BTBD1: variants seen among roughly 807,000 people sequenced by gnomAD.
The protein encoded by BTBD1 is BTB domain containing 1.
In BTBD1, 34 loss-of-function variants were observed where a neutral mutation model predicts 48.0. That is an observed-to-expected ratio of 0.71 (90% CI 0.54 to 0.94). The LOEUF (loss-of-function observed/expected upper bound fraction) is 0.94. Ranked by LOEUF, BTBD1 falls within the 40% of genes least tolerant of loss-of-function variation. The probability of loss-of-function intolerance (pLI) is 0.00; values close to 1 mark genes in which losing one functional copy is unlikely to be tolerated. For synonymous variants in BTBD1, 261 were observed against 242.1 expected (o/e 1.08, Z -0.72); for missense variants, 543 against 625.6 (o/e 0.87, Z 1.41).
intron 2 of BTBD1, among the ~76,000 whole-genome samples, chr15:83,052,670 G>A (rs1034549848): frequency 4.1e-4 from 58 of 142,448 alleles, no homozygotes; most frequent in Admixed American, 2.0e-3. Flanking sequence ...TCGCTCTGTC[G>A]CCCAGGCTGG....
chr15:83,056,199 A>G (rs2033078318), intron 2 of BTBD1, among the ~76,000 whole-genome samples, 190 bp downstream of exon 2: 1 of 152,198 alleles, frequency 6.6e-6, no homozygotes, highest in Non-Finnish European at 1.5e-5. Context: ...ACCACCATCC[A>G]TGGCCTCTAA....
At chr15:83,042,368 ATATATATATG>A (rs1164368797) in intron 3 of BTBD1, among the ~76,000 whole-genome samples, 1 of 122,514 alleles carries the variant, frequency 8.2e-6, no homozygotes, top group Non-Finnish European at 1.7e-5. Context: ...ATATATATAT[ATATATATATG>A]TATGTATATA....
chr15:83,017,547 C>G lies in BTBD1; in HGVS notation c.*520G>C, dbSNP rs1201219998. On this transcript the variant is annotated 3_prime_UTR_variant, in exon 8 of 8. Coordinates refer to ENST00000261721, the MANE Select transcript of BTBD1 (RefSeq NM_025238.4). The stretch of plus-strand genomic sequence containing the variant: ...TTAGCATTATTACAAATGCTAACAA[C>G]AAGATACTTCAAACCACCAAATATA... The G allele has an allele frequency of 3.9e-5, 6 of 152,542 alleles. No homozygotes were observed. Among genetic ancestry groups the G allele is most frequent in the Admixed American group, 2.0e-4 (3 of 15,266 alleles). The allele number at this position is 152,542 out of a possible 1,614,324, so 9.4% of individuals were successfully genotyped here.
chr15:83,035,154 C>G (rs773279490), intron 4 of BTBD1, among the ~76,000 whole-genome samples: 1 of 151,808 alleles, frequency 6.6e-6, no homozygotes, highest in Non-Finnish European at 1.5e-5. Context: ...ATTAGCCGAG[C>G]GTGGCACCGC....
intron 4 of BTBD1, 35 bp downstream of exon 4, chr15:83,041,693 G>C: frequency 6.3e-7 from 1 of 1,597,772 alleles, no homozygotes; most frequent in East Asian, 2.2e-5. Context: ...TATTAAAACA[G>C]TTTCAAATAG....
intron 4 of BTBD1, among the ~76,000 whole-genome samples, chr15:83,030,983 T>C (rs2032504418): frequency 6.6e-6 from 1 of 152,298 alleles, no homozygotes; most frequent in East Asian, 1.9e-4. Context: ...AAGGAAGCTA[T>C]ACATACGTGT....
At chr15:83,061,612 G>T (rs2033177430) in intron 1 of BTBD1, 1 of 152,220 alleles carries the variant, frequency 6.6e-6, no homozygotes, top group Non-Finnish European at 1.5e-5. Context: ...CTGCTTTTGT[G>T]TTCCTCGGAG....
chr15:83,035,740 G>T (rs1229031758), intron 4 of BTBD1, among the ~76,000 whole-genome samples: 1 of 151,956 alleles, frequency 6.6e-6, no homozygotes, highest in African/African-American at 2.4e-5. Context: ...AGAAAGTAAT[G>T]AAATGGAAAA....
chr15:83,021,793 A>G (rs2032304897), intron 5 of BTBD1, among the ~76,000 whole-genome samples: 1 of 147,452 alleles, frequency 6.8e-6, no homozygotes, highest in South Asian at 2.1e-4. Flanking sequence ...AAAGCCTGTA[A>G]AATCTGACAT....
chr15:83,018,559 T>C (rs2032217239), intron 7 of BTBD1, 148 bp downstream of exon 7: 6 of 860,092 alleles, frequency 7.0e-6, no homozygotes, highest in Admixed American at 3.2e-5. Flanking sequence ...AAGTACTTCT[T>C]TTCGGAAGGC....
chr15:83,050,511 C>G (rs1043506563), intron 2 of BTBD1, among the ~76,000 whole-genome samples: 1 of 149,354 alleles, frequency 6.7e-6, no homozygotes, highest in Non-Finnish European at 1.5e-5. Context: ...CTTAATGAAC[C>G]CTTTATGTTA....
At chr15:83,036,103 C>CAAAA (rs563839312) in intron 4 of BTBD1, among the ~76,000 whole-genome samples, 34 of 75,052 alleles carry the variant, frequency 4.5e-4, no homozygotes, top group East Asian at 1.1e-3. Context: ...GTATCATTAC[C>CAAAA]AAAAAAAAAA....
intron 2 of BTBD1, among the ~76,000 whole-genome samples, chr15:83,054,751 G>A (rs2033052695): frequency 1.3e-5 from 2 of 151,882 alleles, no homozygotes; most frequent in South Asian, 2.1e-4. Flanking sequence ...TAGTAGAGAC[G>A]GGGTTTCACC....
At chr15:83,029,302 A>G (rs1258495612) in intron 5 of BTBD1, among the ~76,000 whole-genome samples, 1 of 152,216 alleles carries the variant, frequency 6.6e-6, no homozygotes, top group African/African-American at 2.4e-5. Context: ...ACCGGCACTG[A>G]TTCTATTTTG....
rs536916208 is a variant in BTBD1 at position 83,034,360 on chromosome 15, T to C, written c.863-4032A>G. Among the ~76,000 whole-genome samples, 6 of 152,354 alleles carry C rather than the reference T, an allele frequency of 3.9e-5. No homozygotes were observed. In the East Asian group the frequency reaches 1.2e-3, roughly 29 times the overall value. On this transcript the variant is annotated intron_variant, in intron 4 of 7. Transcript: ENST00000261721. Reference sequence around the variant, plus strand: ...AGTTTAGGCCAGGCGTGGTGGCTCATGCCAGAATGTTGGGTGACTGAGGCA... The same window carrying C: ...AGTTTAGGCCAGGCGTGGTGGCTCACGCCAGAATGTTGGGTGACTGAGGCA...
chr15:83,018,401 A>C lies in BTBD1; in HGVS notation c.1291-176T>G, dbSNP rs549688207. 3.5e-4 allele frequency among the ~76,000 whole-genome samples: 53 copies of C among 152,368 alleles called. 1 individual carries two copies. The South Asian group carries it at 7.2e-3, about 21-fold the overall frequency. The stretch of plus-strand genomic sequence containing the variant: ...CCAAAAAACTAATTAATGAATAAAA[A>C]TACTGAATGTACAGCCCAGCTATTA... On this transcript the variant is annotated intron_variant, in intron 7 of 7. Transcript: ENST00000261721.
intron 3 of BTBD1, among the ~76,000 whole-genome samples, chr15:83,043,281 T>A (rs1347361095): frequency 6.6e-6 from 1 of 152,154 alleles, no homozygotes; most frequent in African/African-American, 2.4e-5. Flanking sequence ...GGCTCTCATA[T>A]TAAAGTGTGC....
intron 5 of BTBD1, chr15:83,029,916 T>G: frequency 5.3e-6 from 3 of 570,070 alleles, no homozygotes; most frequent in Non-Finnish European, 6.1e-6. Context: ...CAATCCTTTC[T>G]TACTCTATTT....
At chr15:83,025,144 A>T (rs935977991) in intron 5 of BTBD1, among the ~76,000 whole-genome samples, 6 of 152,058 alleles carry the variant, frequency 3.9e-5, no homozygotes, top group Non-Finnish European at 7.4e-5. Context: ...ACCTGAGGTC[A>T]GGAGTTCATG....
Sources: allele counts gnomAD v4.1 joint callset (sites outside exome capture counted in the v4.1 genomes callset), GRCh38; gene constraint gnomAD v4.1.1; transcripts MANE v1.5; gene names NCBI Gene and HGNC (gene_info 2026-07-23, HGNC 2026-07-21).